Variants in CMC2 observed in about 807,000 individuals in gnomAD.
CMC2 encodes the protein C-X9-C motif containing 2.
In CMC2, 5 loss-of-function variants were observed where a neutral mutation model predicts 7.5. The observed-to-expected ratio is 0.66, with a 90% CI of 0.35 to 1.40. The LOEUF (loss-of-function observed/expected upper bound fraction) is 1.40. Among genes scored for constraint, CMC2 ranks in the 40% most tolerant of loss-of-function variants. The pLI, the probability that CMC2 is intolerant of heterozygous loss-of-function variation, is 0.04. For synonymous variants in CMC2, 37 were observed against 31.4 expected (o/e 1.18, Z -0.60); for missense variants, 115 against 92.3 (o/e 1.25, Z -1.01).
At chr16:80,999,884 T>C (rs1968729518) in intron 1 of CMC2, among the ~76,000 whole-genome samples, 1 of 152,206 alleles carries the variant, frequency 6.6e-6, no homozygotes, top group Non-Finnish European at 1.5e-5. Context: ...CCTTTCATCA[T>C]ATACAAAAAT....
At chr16:80,989,120 T>C (rs1368025711) in intron 2 of CMC2, among the ~76,000 whole-genome samples, 1 of 152,206 alleles carries the variant, frequency 6.6e-6, no homozygotes, top group Non-Finnish European at 1.5e-5. Flanking sequence ...TTCTACACCG[T>C]ATTCGTTTTT....
At chr16:81,003,186 A>T (rs190240494) in intron 1 of CMC2, among the ~76,000 whole-genome samples, 2 of 152,330 alleles carry the variant, frequency 1.3e-5, no homozygotes, top group East Asian at 3.9e-4. Flanking sequence ...GTTCTCTCAG[A>T]ACACATGTAA....
chr16:80,984,489 A>G (rs1024024910), intron 2 of CMC2, among the ~76,000 whole-genome samples: 2 of 152,248 alleles, frequency 1.3e-5, no homozygotes, highest in Non-Finnish European at 2.9e-5. Context: ...TCCAGAAAGC[A>G]TTTAACATAG....
intron 2 of CMC2, among the ~76,000 whole-genome samples, chr16:80,990,600 G>A (rs1395676487): frequency 6.6e-6 from 1 of 152,172 alleles, no homozygotes; most frequent in Non-Finnish European, 1.5e-5. Flanking sequence ...ATACAAATAT[G>A]TTTTGCTATC....
chr16:80,991,934 G>C, intron 2 of CMC2: 1 of 455,454 alleles, frequency 2.2e-6, no homozygotes, highest in South Asian at 1.6e-5. Flanking sequence ...AGAACTAAGT[G>C]TAATGTGTAT....
chr16:80,991,478 T>C (rs892601598), intron 2 of CMC2, among the ~76,000 whole-genome samples: 2 of 151,916 alleles, frequency 1.3e-5, no homozygotes, highest in Admixed American at 6.6e-5. Flanking sequence ...TCTACAAATA[T>C]ACAAATACAA....
At chr16:80,992,351 G>A (rs868732596) in intron 2 of CMC2, among the ~76,000 whole-genome samples, 1 of 152,264 alleles carries the variant, frequency 6.6e-6, no homozygotes, top group South Asian at 2.1e-4. Flanking sequence ...TACTGTTAGA[G>A]TTATACTTTT....
intron 2 of CMC2, among the ~76,000 whole-genome samples, chr16:80,993,521 C>A (rs1216827906): frequency 6.6e-6 from 1 of 152,270 alleles, no homozygotes; most frequent in Admixed American, 6.5e-5. Flanking sequence ...TATTGGGTGA[C>A]TTTCACAATG....
intron 2 of CMC2, among the ~76,000 whole-genome samples, chr16:80,984,778 C>A (rs1178651755): frequency 1.3e-5 from 2 of 152,156 alleles, no homozygotes; most frequent in East Asian, 1.9e-4. Context: ...CATCTTAATT[C>A]AAAAATCCAT....
rs1404550432 is a variant in CMC2 at position 80,970,881 on chromosome 16, T to TA, written c.*5211dup. 2.0e-5 allele frequency: 3 copies of TA among 152,170 alleles called. No homozygotes were observed. Among genetic ancestry groups the TA allele is most frequent in the African/African-American group, 7.2e-5 (3 of 41,440 alleles). 9.4% of individuals were successfully genotyped at this position (152,170 alleles called of 1,614,324 possible). A position where few individuals can be genotyped will look rare whatever the true frequency, so the allele number is the denominator to read the frequency against. ...AATAAGTAATTTTAAAAATACCCCT[T>TA]AGACACAAATCTAGCAAAAGATGTA... On this transcript the variant is annotated 3_prime_UTR_variant, in exon 4 of 4. Transcript: ENST00000219400.
chr16:80,988,708 C>T, intron 2 of CMC2: 1 of 585,594 alleles, frequency 1.7e-6, no homozygotes, highest in Non-Finnish European at 3.0e-6. Context: ...CACCAATTTG[C>T]CTAATAATAT....
intron 2 of CMC2, chr16:80,996,908 A>G (rs74028891): frequency 0.019 from 6,766 of 353,854 alleles, 351 homozygotes; most frequent in African/African-American, 0.12. Context: ...TAATTATATA[A>G]CACGTTTCTA....
intron 2 of CMC2, among the ~76,000 whole-genome samples, chr16:80,990,387 C>A (rs1232953357): frequency 6.6e-6 from 1 of 152,136 alleles, no homozygotes; most frequent in African/African-American, 2.4e-5. Flanking sequence ...CCAGGCTGGT[C>A]TCAAACTCCT....
At chr16:80,982,852 A>G (rs1304936324) in intron 2 of CMC2, 2 of 156,140 alleles carry the variant, frequency 1.3e-5, no homozygotes, top group African/African-American at 4.8e-5. Flanking sequence ...TTACTGTAAT[A>G]ACCATAAAAC....
intron 1 of CMC2, 92 bp downstream of exon 1, chr16:81,006,642 G>GGGC: frequency 1.1e-6 from 1 of 924,052 alleles, no homozygotes; most frequent in African/African-American, 1.8e-5. Context: ...GGGCCGACGG[G>GGGC]CGGCAGGAAG....
At chr16:80,986,757 G>T (rs944826836) in intron 2 of CMC2, among the ~76,000 whole-genome samples, 18 of 152,216 alleles carry the variant, frequency 1.2e-4, no homozygotes, top group Non-Finnish European at 2.2e-4. Context: ...GAATGACAGT[G>T]GAAGTTTTAA....
chr16:80,999,556 A>G (rs1968696944), intron 1 of CMC2, among the ~76,000 whole-genome samples: 2 of 152,206 alleles, frequency 1.3e-5, no homozygotes, highest in African/African-American at 2.4e-5. Flanking sequence ...ACACAATTAG[A>G]AAAAACTATC....
At chr16:80,997,502 C>A in intron 1 of CMC2, 73 bp from the exon 2 acceptor site, 1 of 745,688 alleles carries the variant, frequency 1.3e-6, no homozygotes, top group Non-Finnish European at 2.3e-6. Context: ...TTCATAAGAA[C>A]CTCTAGTGAC....
At chr16:80,997,471 G>T in intron 1 of CMC2, 42 bp from the exon 2 acceptor site, 1 of 1,002,970 alleles carries the variant, frequency 1.0e-6, no homozygotes, top group East Asian at 2.4e-5. Flanking sequence ...AAACACATTT[G>T]TTACGCCACC....
Sources: allele counts gnomAD v4.1 joint callset (sites outside exome capture counted in the v4.1 genomes callset), GRCh38; gene constraint gnomAD v4.1.1; transcripts MANE v1.5; gene names NCBI Gene and HGNC (gene_info 2026-07-23, HGNC 2026-07-21).